Variants in CPNE4 observed in about 807,000 individuals in gnomAD.
CPNE4 encodes the protein copine 4.
A neutral mutation model predicts 67.9 loss-of-function variants in CPNE4; 25 were observed. The observed-to-expected ratio is 0.37, with a 90% CI of 0.27 to 0.51. The LOEUF (loss-of-function observed/expected upper bound fraction) is 0.51. CPNE4 is among the 20% of genes least tolerant of loss of function. The pLI, the probability that CPNE4 is intolerant of heterozygous loss-of-function variation, is 0.93. For missense variants in CPNE4, 464 were observed against 690.8 expected, an observed-to-expected ratio of 0.67 and a Z score of 3.68; for synonymous variants, 242 against 244.9, an observed-to-expected ratio of 0.99 and a Z score of 0.11.
intron 2 of CPNE4, among the ~76,000 whole-genome samples, chr3:131,774,321 C>A (rs574794238): frequency 6.8e-6 from 1 of 147,716 alleles, no homozygotes; most frequent in African/African-American, 2.5e-5. Flanking sequence ...ATATTTTCTA[C>A]GCTGAAAAAA....
intron 1 of CPNE4, among the ~76,000 whole-genome samples, chr3:132,023,558 G>C (rs983596281): frequency 1.5e-5 from 2 of 134,768 alleles, no homozygotes; most frequent in Non-Finnish European, 3.1e-5. Flanking sequence ...CGGGATCTCG[G>C]CTCACTGCAA....
intron 2 of CPNE4, among the ~76,000 whole-genome samples, chr3:131,840,074 G>T (rs2108015989): frequency 6.6e-6 from 1 of 152,244 alleles, no homozygotes; most frequent in African/African-American, 2.4e-5. Flanking sequence ...CTTGGTGAGT[G>T]CCATGAGGGG....
intron 1 of CPNE4, among the ~76,000 whole-genome samples, chr3:131,950,235 TG>T (rs1239317721): frequency 2.0e-5 from 3 of 152,198 alleles, no homozygotes; most frequent in Admixed American, 1.3e-4. Context: ...TATATATTGT[TG>T]ATGCATTAAC....
chr3:131,829,973 T>G (rs2085306390), intron 2 of CPNE4, among the ~76,000 whole-genome samples: 1 of 152,180 alleles, frequency 6.6e-6, no homozygotes, highest in African/African-American at 2.4e-5. Context: ...CTATGGAAGA[T>G]TCTAGCAAGA....
At position 131,729,951 on chromosome 3, in the gene CPNE4, T is replaced by C. The variant is rs115138522; in HGVS notation, c.181-6326A>G. Among the ~76,000 whole-genome samples, 494 of 152,358 alleles carry C rather than the reference T, an allele frequency of 3.2e-3. 1 individual carries two copies. Among genetic ancestry groups the C allele is most frequent in the African/African-American group, 0.011 (455 of 41,590 alleles). On this transcript the variant is annotated intron_variant, in intron 2 of 15. Transcript: ENST00000429747. ...ATTAGGTGGTGACCGACAGTGATGG[T>C]AACTTTTCTGCTCAGGCAGAAGGCA...
rs577478741 is a variant in CPNE4, at chr3:131,704,242, A to G, written c.361-4262T>C. Among the ~76,000 whole-genome samples the G allele has an allele frequency of 3.3e-3, 503 of 152,300 alleles. 3 individuals carry two copies. The highest frequency in any genetic ancestry group is 0.011 in the African/African-American group (455 of 41,568). On this transcript the variant is annotated intron_variant, in intron 3 of 15. Coordinates refer to ENST00000429747, the MANE Select transcript of CPNE4 (RefSeq NM_130808.3). ...GAGCTGGTAGGGCTTCCAACAGCCA[A>G]TTCAGGCATCTCTTTGCCTGAAAGT...
At chr3:131,752,240 G>T (rs1041863184) in intron 2 of CPNE4, among the ~76,000 whole-genome samples, 1 of 152,028 alleles carries the variant, frequency 6.6e-6, no homozygotes, top group African/African-American at 2.4e-5. Flanking sequence ...AGCCTTGAGA[G>T]GGTAGAAGTC....
At chr3:131,719,550 A>G (rs893240165) in intron 3 of CPNE4, among the ~76,000 whole-genome samples, 8 of 152,154 alleles carry the variant, frequency 5.3e-5, no homozygotes, top group African/African-American at 2.4e-5. Flanking sequence ...ACCCCACTCC[A>G]GCCAGCCTGT....
At chr3:131,632,538 C>T (rs895276454) in intron 7 of CPNE4, among the ~76,000 whole-genome samples, 4 of 152,284 alleles carry the variant, frequency 2.6e-5, no homozygotes, top group Non-Finnish European at 5.9e-5. Flanking sequence ...TTTCAGTCCT[C>T]ATCTTTGTTG....
intron 2 of CPNE4, among the ~76,000 whole-genome samples, chr3:131,788,508 G>A (rs925858310): frequency 5.3e-5 from 8 of 152,122 alleles, no homozygotes; most frequent in African/African-American, 1.9e-4. Flanking sequence ...AATACTCAAT[G>A]TTGACAAAGG....
chr3:131,982,370 A>G (rs2072929400), intron 1 of CPNE4, among the ~76,000 whole-genome samples: 1 of 152,206 alleles, frequency 6.6e-6, no homozygotes, highest in Non-Finnish European at 1.5e-5. Context: ...TAAGAGCCCA[A>G]TTAAACTGCA....
At chr3:132,013,589 A>T (rs1212839464) in intron 1 of CPNE4, among the ~76,000 whole-genome samples, 1 of 152,232 alleles carries the variant, frequency 6.6e-6, no homozygotes, top group Non-Finnish European at 1.5e-5. Flanking sequence ...TAATTCCTCC[A>T]AAGTAAAGAT....
chr3:131,555,690 C>A, intron 11 of CPNE4, 139 bp from the exon 12 acceptor site: 1 of 693,638 alleles, frequency 1.4e-6, no homozygotes, highest in Non-Finnish European at 2.6e-6. Context: ...TCTTGATTGT[C>A]TGTGGTGATG....
upstream of CPNE4, among the ~76,000 whole-genome samples, chr3:132,036,106 T>C (rs561206942): frequency 1.3e-5 from 2 of 152,322 alleles, no homozygotes; most frequent in South Asian, 2.1e-4. Context: ...AGGGACAACC[T>C]TCTGACAGAA....
intron 2 of CPNE4, among the ~76,000 whole-genome samples, chr3:131,788,302 A>G (rs2083619985): frequency 6.6e-6 from 1 of 152,162 alleles, no homozygotes; most frequent in Non-Finnish European, 1.5e-5. Flanking sequence ...GAAGTTATGC[A>G]TGCTGATTAA....
At chr3:131,855,011 G>A (rs765758028) in intron 2 of CPNE4, among the ~76,000 whole-genome samples, 5 of 151,846 alleles carry the variant, frequency 3.3e-5, no homozygotes, top group South Asian at 4.1e-4. Context: ...ACCAAGATAC[G>A]GTATTTCTGT....
intron 2 of CPNE4, among the ~76,000 whole-genome samples, chr3:131,791,468 C>T (rs1203285456): frequency 6.6e-6 from 1 of 152,144 alleles, no homozygotes; most frequent in Non-Finnish European, 1.5e-5. Context: ...GGATAGTTAT[C>T]CATTTTCTCA....
intron 7 of CPNE4, among the ~76,000 whole-genome samples, chr3:131,657,574 C>T (rs576478665): frequency 1.1e-4 from 16 of 143,718 alleles, no homozygotes; most frequent in East Asian, 2.0e-4. Context: ...CTCACTCTGT[C>T]GCCAGGCTGG....
intron 1 of CPNE4, among the ~76,000 whole-genome samples, chr3:131,919,554 G>A (rs2070684072): frequency 6.6e-6 from 1 of 152,174 alleles, no homozygotes; most frequent in Non-Finnish European, 1.5e-5. Flanking sequence ...TGATGGGAGG[G>A]ATACAAGAAG....
Sources: gnomAD v4.1 joint callset for allele counts (sites outside exome capture counted in the v4.1 genomes callset) on GRCh38, gnomAD v4.1.1 for gene constraint, MANE v1.5 for transcripts, NCBI Gene and HGNC (gene_info 2026-07-23, HGNC 2026-07-21) for gene names.